FAT3: variants seen among roughly 807,000 people sequenced by gnomAD.
The protein encoded by FAT3 is FAT atypical cadherin 3.
FAT3 carries 95 observed loss-of-function variants against 310.2 expected under a neutral mutation model. The ratio of observed to expected loss-of-function variants is 0.31; its 90% CI spans 0.26 to 0.36. The LOEUF (loss-of-function observed/expected upper bound fraction) is 0.36. Among genes scored for constraint, FAT3 ranks in the 10% least tolerant of loss-of-function variants. The pLI is 1.00. For synonymous variants in FAT3, 2,314 were observed against 2,192.9 expected (o/e 1.06, Z -1.54); for missense variants, 5,408 against 5,715.6 (o/e 0.95, Z 1.74).
intron 4 of FAT3, chr11:92,748,923 C>T (rs1565562673): frequency 6.6e-6 from 1 of 152,152 alleles, no homozygotes; most frequent in South Asian, 2.1e-4. Context: ...TTTGTGTATA[C>T]TTTTCTTTCC....
chr11:92,691,393 A>T (rs1196413624), intron 3 of FAT3, among the ~76,000 whole-genome samples: 1 of 152,068 alleles, frequency 6.6e-6, no homozygotes, highest in Non-Finnish European at 1.5e-5. Context: ...TTTTTGGTTT[A>T]CGAGGTTTCT....
intron 1 of FAT3, among the ~76,000 whole-genome samples, chr11:92,293,201 G>A (rs946054336): frequency 1.3e-5 from 2 of 151,654 alleles, no homozygotes; most frequent in Non-Finnish European, 2.9e-5. Context: ...TTTCCTATAA[G>A]AGGGTGGGAG....
chr11:92,372,374 C>T (rs907256814), intron 2 of FAT3, among the ~76,000 whole-genome samples: 7 of 151,168 alleles, frequency 4.6e-5, no homozygotes, highest in Admixed American at 6.6e-5. Flanking sequence ...GAGCAGATCT[C>T]GGTGTTGCAC....
At chr11:92,636,731 CTTTTG>C (rs1364744832) in intron 3 of FAT3, among the ~76,000 whole-genome samples, 23 of 152,116 alleles carry the variant, frequency 1.5e-4, no homozygotes, top group Admixed American at 1.5e-3. Context: ...AGAACTCTCT[CTTTTG>C]TTTAGGCGAG....
At chr11:92,621,201 C>G (rs1045410416) in intron 3 of FAT3, among the ~76,000 whole-genome samples, 6 of 152,144 alleles carry the variant, frequency 3.9e-5, no homozygotes, top group Non-Finnish European at 7.3e-5. Flanking sequence ...TTATCGTGAT[C>G]ACGTGTCTCC....
At chr11:92,386,495 C>T (rs1209518829) in intron 2 of FAT3, among the ~76,000 whole-genome samples, 1 of 152,164 alleles carries the variant, frequency 6.6e-6, no homozygotes, top group African/African-American at 2.4e-5. Context: ...AGTTCATTGC[C>T]TACTGCAATC....
At chr11:92,788,675 G>T (rs552527641) in intron 7 of FAT3, among the ~76,000 whole-genome samples, 1 of 151,978 alleles carries the variant, frequency 6.6e-6, no homozygotes, top group Non-Finnish European at 1.5e-5. Flanking sequence ...AAGGATTTTT[G>T]TCAAAGAAAA....
intron 3 of FAT3, among the ~76,000 whole-genome samples, chr11:92,579,756 C>T (rs1024027497): frequency 7.2e-5 from 11 of 152,110 alleles, no homozygotes; most frequent in African/African-American, 2.4e-4. Context: ...AGAAATCTCC[C>T]TATAATCAGC....
chr11:92,442,081 T>TATATATATATATATATATA (rs1555047741), intron 2 of FAT3, among the ~76,000 whole-genome samples: 2 of 70,012 alleles, frequency 2.9e-5, no homozygotes, highest in African/African-American at 1.6e-4. Flanking sequence ...AATATATATT[T>TATATATATATATATATATA]TATATATATA....
chr11:92,580,107 G>A (rs945707670), intron 3 of FAT3, among the ~76,000 whole-genome samples: 16 of 151,980 alleles, frequency 1.1e-4, no homozygotes, highest in Non-Finnish European at 2.4e-4. Flanking sequence ...TGTTAAATTA[G>A]CATGAAAAAT....
chr11:92,733,959 C>G (rs1359684612), intron 4 of FAT3, among the ~76,000 whole-genome samples: 1 of 152,184 alleles, frequency 6.6e-6, no homozygotes, highest in Admixed American at 6.5e-5. Flanking sequence ...TTTAAGTACA[C>G]TTTCCTTTGC....
chr11:92,828,082 A>G (rs374979199), intron 13 of FAT3, among the ~76,000 whole-genome samples: 2 of 152,098 alleles, frequency 1.3e-5, no homozygotes, highest in East Asian at 1.9e-4. Context: ...GACATGCAGT[A>G]GGAGCATTAG....
At chr11:92,744,837 T>C (rs1021854719) in intron 4 of FAT3, among the ~76,000 whole-genome samples, 1 of 152,194 alleles carries the variant, frequency 6.6e-6, no homozygotes, top group South Asian at 2.1e-4. Flanking sequence ...CTTAGTCTAT[T>C]TTATACATAC....
chr11:92,833,412 T>A (rs1948318137), intron 14 of FAT3, among the ~76,000 whole-genome samples: 1 of 152,202 alleles, frequency 6.6e-6, no homozygotes, highest in Non-Finnish European at 1.5e-5. Context: ...ATCATTATAA[T>A]TAGCAATGTT....
At chr11:92,332,037 C>G (rs948379316) in intron 1 of FAT3, among the ~76,000 whole-genome samples, 1 of 152,214 alleles carries the variant, frequency 6.6e-6, no homozygotes, top group Admixed American at 6.5e-5. Flanking sequence ...CCTGAAGCAG[C>G]TCTTCCATCA....
chr11:92,453,013 A>G (rs1297353629), intron 2 of FAT3, among the ~76,000 whole-genome samples: 2 of 152,062 alleles, frequency 1.3e-5, no homozygotes, highest in African/African-American at 4.8e-5. Context: ...GGCTCAAGCA[A>G]TTGGCCCACT....
At chr11:92,399,878 T>C (rs2134859188) in intron 2 of FAT3, among the ~76,000 whole-genome samples, 1 of 152,300 alleles carries the variant, frequency 6.6e-6, no homozygotes, top group South Asian at 2.1e-4. Flanking sequence ...ATCCAGGGTA[T>C]GTGATCAAAA....
intron 14 of FAT3, among the ~76,000 whole-genome samples, chr11:92,832,561 T>C (rs1180543335): frequency 6.6e-6 from 1 of 151,990 alleles, no homozygotes; most frequent in Non-Finnish European, 1.5e-5. Context: ...TTAGCAAATA[T>C]CTGACCCCCA....
At chr11:92,700,009 A>AGGGACTGCCCTAAGTCCTG (rs1264852676) in intron 4 of FAT3, among the ~76,000 whole-genome samples, 1 of 152,238 alleles carries the variant, frequency 6.6e-6, no homozygotes, top group African/African-American at 2.4e-5. Flanking sequence ...CTGGTGTACC[A>AGGGACTGCCCTAAGTCCTG]GGGACTGCCC....
Sources: gnomAD v4.1 joint callset for allele counts (sites outside exome capture counted in the v4.1 genomes callset) on GRCh38, gnomAD v4.1.1 for gene constraint, MANE v1.5 for transcripts, NCBI Gene and HGNC (gene_info 2026-07-23, HGNC 2026-07-21) for gene names.